Variants in SAMD12 observed in about 807,000 individuals in gnomAD.
SAMD12 encodes the protein sterile alpha motif domain-containing protein 12.
SAMD12 carries 9 observed loss-of-function variants against 15.0 expected under a neutral mutation model. The ratio of observed to expected loss-of-function variants is 0.60; its 90% CI spans 0.36 to 1.05. The LOEUF is 1.05. Ranked by LOEUF, SAMD12 falls within the 50% of genes least tolerant of loss-of-function variation. The pLI is 0.01. For synonymous variants in SAMD12, 86 were observed against 90.1 expected, an observed-to-expected ratio of 0.96 and a Z score of 0.25; for missense variants, 230 against 234.2, an observed-to-expected ratio of 0.98 and a Z score of 0.12.
chr8:118,308,042 C>T lies in SAMD12; in HGVS notation c.433+71518G>A, dbSNP rs1027244113. On this transcript the variant is annotated intron_variant, in intron 4 of 4. Coordinates refer to the SAMD12 transcript ENST00000409003. ...ACTGTTCCCCTTCTGCTAGAGAGAACATCAGGCCTCATGCTGATAACTGGT... is the reference window on the plus strand; with the variant it reads ...ACTGTTCCCCTTCTGCTAGAGAGAATATCAGGCCTCATGCTGATAACTGGT... 2.6e-5 allele frequency among the ~76,000 whole-genome samples: 4 copies of T among 152,348 alleles called. No homozygotes were observed. The East Asian group carries it at 7.7e-4, about 29-fold the overall frequency.
intron 2 of SAMD12, among the ~76,000 whole-genome samples, chr8:118,556,412 C>T (rs1745873516): frequency 6.6e-6 from 1 of 152,160 alleles, no homozygotes; most frequent in Non-Finnish European, 1.5e-5. Flanking sequence ...TGGTCAGGAC[C>T]CTTTTGTATA....
At chr8:118,342,830 A>G (rs1008942872) in intron 4 of SAMD12, among the ~76,000 whole-genome samples, 3 of 152,184 alleles carry the variant, frequency 2.0e-5, no homozygotes, top group African/African-American at 4.8e-5. Flanking sequence ...CTGGTATTCA[A>G]TTACATCAAC....
chr8:118,223,782 G>A (rs1374300066), intron 4 of SAMD12, among the ~76,000 whole-genome samples: 3 of 152,178 alleles, frequency 2.0e-5, no homozygotes. Flanking sequence ...ATAAAAGTAG[G>A]GCAAGATAGA....
chr8:118,258,653 G>T (rs539306312), intron 4 of SAMD12, among the ~76,000 whole-genome samples: 1 of 152,210 alleles, frequency 6.6e-6, no homozygotes, highest in South Asian at 2.1e-4. Flanking sequence ...AGTAAAAAGG[G>T]TGGTGGCAAA....
chr8:118,177,512 G>A, the SAMD12 span, among the ~76,000 whole-genome samples: 1 of 152,112 alleles, frequency 6.6e-6, no homozygotes, highest in Admixed American at 6.5e-5. Context: ...CCAAAGTGCT[G>A]AGATTATAGG....
At chr8:118,215,113 G>A (rs1175560747) in intron 4 of SAMD12, among the ~76,000 whole-genome samples, 1 of 152,162 alleles carries the variant, frequency 6.6e-6, no homozygotes, top group Admixed American at 6.5e-5. Flanking sequence ...CCCTCTATTT[G>A]AAATGTTAGG....
chr8:118,359,642 G>A (rs1484138785), intron 4 of SAMD12, among the ~76,000 whole-genome samples: 1 of 152,122 alleles, frequency 6.6e-6, no homozygotes, highest in African/African-American at 2.4e-5. Flanking sequence ...TTCTTATACT[G>A]TGTGACTTGG....
At chr8:118,151,317 CT>C in the SAMD12 span, among the ~76,000 whole-genome samples, 1 of 152,030 alleles carries the variant, frequency 6.6e-6, no homozygotes, top group South Asian at 2.1e-4. Context: ...TAAGTTTATA[CT>C]TTTTATCAAG....
intron 4 of SAMD12, among the ~76,000 whole-genome samples, chr8:118,250,231 C>G (rs1012248921): frequency 2.0e-5 from 3 of 152,100 alleles, no homozygotes; most frequent in Non-Finnish European, 4.4e-5. Context: ...GATAAGACGT[C>G]CTGTGTTTGA....
intron 2 of SAMD12, among the ~76,000 whole-genome samples, chr8:118,514,383 G>T (rs1381357948): frequency 6.6e-6 from 1 of 152,170 alleles, no homozygotes; most frequent in Non-Finnish European, 1.5e-5. Flanking sequence ...AAGGCCAAAA[G>T]GGGTCCCACA....
At position 118,379,012 on chromosome 8, in the gene SAMD12, G is replaced by C. The variant is rs1368105888; in HGVS notation, c.*405C>G. The C allele has an allele frequency of 5.1e-6, 5 of 989,348 alleles. No individual in the cohort carries two copies. In the East Asian group the frequency reaches 4.0e-4, roughly 79 times the overall value. The allele number at this position is 989,348 out of a possible 1,614,324, so 61.3% of individuals were successfully genotyped here. A position where few individuals can be genotyped will look rare whatever the true frequency, so the allele number is the denominator to read the frequency against. ...GGGGTTCTTACAATCTCTAAAGTGT[G>C]TGTGTATAATACATTCATGTATAGT... On this transcript the variant is annotated 3_prime_UTR_variant, in exon 4 of 4. Coordinates refer to ENST00000314727, the MANE Select transcript of SAMD12 (RefSeq NM_207506.3).
At chr8:118,393,757 C>A (rs572816434) in intron 3 of SAMD12, among the ~76,000 whole-genome samples, 1 of 152,058 alleles carries the variant, frequency 6.6e-6, no homozygotes, top group Non-Finnish European at 1.5e-5. Context: ...CATTATCACA[C>A]CCAGCTAATT....
chr8:118,339,367 G>A (rs1817237064), intron 4 of SAMD12, among the ~76,000 whole-genome samples: 1 of 152,034 alleles, frequency 6.6e-6, no homozygotes, highest in Non-Finnish European at 1.5e-5. Flanking sequence ...GAAAGAGAGA[G>A]AGAAAGAAAA....
Position 118,528,824 on chromosome 8 carries a change from C to A in SAMD12, c.192+51891G>T, listed in dbSNP as rs997183859. On this transcript the variant is annotated intron_variant, in intron 2 of 3. Transcript: ENST00000314727. ...CCCTCCACTGGCCCCAGTCACTCTG[C>A]AGACCATGGGGTCTCCTTTTCCTAA... Among the ~76,000 whole-genome samples, 4 of 152,228 alleles carry A rather than the reference C, an allele frequency of 2.6e-5. No individual in the cohort carries two copies. The South Asian group carries it at 8.3e-4, about 31-fold the overall frequency.
intron 3 of SAMD12, among the ~76,000 whole-genome samples, chr8:118,438,161 C>T (rs1822627526): frequency 6.6e-6 from 1 of 152,114 alleles, no homozygotes; most frequent in African/African-American, 2.4e-5. Flanking sequence ...GCTAAGTACC[C>T]ACACTGCCTT....
chr8:118,169,667 T>C, the SAMD12 span, among the ~76,000 whole-genome samples: 16 of 152,204 alleles, frequency 1.1e-4, no homozygotes, highest in African/African-American at 3.4e-4. Flanking sequence ...GGGAGACCTA[T>C]GGATAGTTCT....
At chr8:118,142,092 C>T in the SAMD12 span, among the ~76,000 whole-genome samples, 1 of 152,128 alleles carries the variant, frequency 6.6e-6, no homozygotes, top group Non-Finnish European at 1.5e-5. Context: ...GGTTTTAGAG[C>T]CACGTAGAGA....
intron 3 of SAMD12, among the ~76,000 whole-genome samples, chr8:118,400,893 T>C (rs936425233): frequency 6.6e-6 from 1 of 152,208 alleles, no homozygotes; most frequent in African/African-American, 2.4e-5. Flanking sequence ...GATAAATGTA[T>C]TGCTATCATA....
chr8:118,568,255 G>C (rs1471504492), intron 2 of SAMD12, among the ~76,000 whole-genome samples: 2 of 152,184 alleles, frequency 1.3e-5, no homozygotes, highest in Non-Finnish European at 2.9e-5. Flanking sequence ...CCCAAGGAAA[G>C]AAGATTCAAG....
Sources: allele counts gnomAD v4.1 joint callset (sites outside exome capture counted in the v4.1 genomes callset), GRCh38; gene constraint gnomAD v4.1.1; transcripts MANE v1.5; gene names NCBI Gene and HGNC (gene_info 2026-07-23, HGNC 2026-07-21).